The following LRIG1 variants were observed in gnomAD, a reference collection of about 807,000 sequenced individuals.
LRIG1 encodes the protein leucine-rich repeats and immunoglobulin-like domains protein 1.
LRIG1 carries 48 observed loss-of-function variants against 99.2 expected under a neutral mutation model. That is an observed-to-expected ratio of 0.48 (90% CI 0.38 to 0.62). LRIG1 has a LOEUF of 0.62. LRIG1 is among the 20% of genes least tolerant of loss of function. The pLI, the probability that LRIG1 is intolerant of heterozygous loss-of-function variation, is 0.00. For synonymous variants in LRIG1, 772 were observed against 596.1 expected (o/e 1.29, Z -4.30); for missense variants, 1,646 against 1,434.4 (o/e 1.15, Z -2.38).
intron 8 of LRIG1, chr3:66,405,646 G>T: frequency 1.1e-6 from 1 of 927,906 alleles, no homozygotes; most frequent in Non-Finnish European, 1.4e-6. Context: ...GCTCCCGTCT[G>T]CTCTCATACC....
chr3:66,406,025 C>T (rs1702256005), intron 8 of LRIG1: 1 of 988,628 alleles, frequency 1.0e-6, no homozygotes, highest in Non-Finnish European at 1.2e-6. Flanking sequence ...TCCAACTTTC[C>T]ACAAGGTTCT....
chr3:66,455,337 A>G (rs776677022), intron 2 of LRIG1, among the ~76,000 whole-genome samples: 1 of 152,266 alleles, frequency 6.6e-6, no homozygotes, highest in South Asian at 2.1e-4. Flanking sequence ...CATAGTAAAC[A>G]TAAAGCTTCT....
chr3:66,393,061 G>A (rs1451285765), intron 12 of LRIG1, among the ~76,000 whole-genome samples: 3 of 152,190 alleles, frequency 2.0e-5, no homozygotes, highest in Non-Finnish European at 4.4e-5. Context: ...AGGTAGGGGT[G>A]GATGCATGGA....
At chr3:66,431,290 C>T (rs749807949) in intron 3 of LRIG1, among the ~76,000 whole-genome samples, 2 of 152,196 alleles carry the variant, frequency 1.3e-5, no homozygotes, top group Non-Finnish European at 2.9e-5. Flanking sequence ...TGGATTCAAC[C>T]AGACTCCAGG....
Position 66,386,091 on chromosome 3 carries a change from G to A in LRIG1, c.1679C>T (p.Thr560Ile). 4 of 1,614,174 alleles carry A rather than the reference G, an allele frequency of 2.5e-6. No individual in the cohort carries two copies. Among genetic ancestry groups the A allele is most frequent in the Non-Finnish European group, 3.4e-6 (4 of 1,180,022 alleles). Reference sequence around the variant, plus strand: ...AGTGACCTGACGGAGGTGCAGGATGGTGGTGTACTCCATCACTTCCCCGTC... The same window carrying A: ...AGTGACCTGACGGAGGTGCAGGATGATGGTGTACTCCATCACTTCCCCGTC... The part of the protein sequence containing the change: ...AQDGEVMEYT[T>I]ILHLRQVTFG... The change falls in exon 13 of 19, where the codon ACC becomes ATC. Residue 560 changes from threonine (T) to isoleucine (I), a missense_variant. Physicochemically the swap from Thr to Ile is moderately conservative, Grantham distance 89. Coordinates refer to ENST00000273261, the MANE Select transcript of LRIG1 (RefSeq NM_015541.3).
In LRIG1 at chr3:66,383,948, TCACACACA is replaced by T. The variant is rs3830215; in HGVS notation, c.2071+35_2071+42del. 3.3e-4 allele frequency: 499 copies of T among 1,521,676 alleles called. 1 individual carries two copies. The African/African-American group carries it at 3.7e-3, about 11-fold the overall frequency. The allele number at this position is 1,521,676 out of a possible 1,614,324, so 94.3% of individuals were successfully genotyped here. On this transcript the variant is annotated intron_variant, in intron 14 of 18. Coordinates refer to ENST00000273261, the MANE Select transcript of LRIG1 (RefSeq NM_015541.3). ...GCATTTGAGAGTCTCTCTCTCTCGC[TCACACACA>T]CACACACACACACACAGTAGAGCAA...
intron 3 of LRIG1, among the ~76,000 whole-genome samples, chr3:66,443,316 AGGG>A: frequency 1.7e-5 from 1 of 57,714 alleles, no homozygotes; most frequent in South Asian, 7.1e-4. Flanking sequence ...TGTTGGGGGC[AGGG>A]GATGAGTGAG....
At chr3:66,479,971 C>G (rs1700811130) in intron 1 of LRIG1, among the ~76,000 whole-genome samples, 1 of 152,160 alleles carries the variant, frequency 6.6e-6, no homozygotes, top group Non-Finnish European at 1.5e-5. Flanking sequence ...GGTATATACT[C>G]AAGTGAAAAT....
intron 1 of LRIG1, 91 bp downstream of exon 1, chr3:66,500,099 C>T: frequency 9.8e-7 from 1 of 1,018,830 alleles, no homozygotes; most frequent in Non-Finnish European, 1.4e-6. Flanking sequence ...CAACCCAGTC[C>T]GCACCCCCTC....
chr3:66,383,999 G>A lies in LRIG1; in HGVS notation c.2063C>T (p.Thr688Ile), dbSNP rs76504759. Residue 688 changes from threonine to isoleucine, a missense_variant, in exon 14 of 19, where the codon ACT becomes ATT. Transcript: ENST00000273261. ...TAGAGCAATAGGCAAACCTAGGACA[G>A]TCAGGGTGGCATTAGCTGAAATAGA... ...AGSISANATLTVLETPSLVVP... is the reference protein window; with the variant it reads ...AGSISANATLIVLETPSLVVP... 1.9e-6 allele frequency: 3 copies of A among 1,612,486 alleles called. No homozygotes were observed. Among genetic ancestry groups the A allele is most frequent in the Non-Finnish European group, 2.5e-6 (3 of 1,179,320 alleles).
At chr3:66,478,365 G>A (rs941648503) in intron 1 of LRIG1, among the ~76,000 whole-genome samples, 1 of 152,216 alleles carries the variant, frequency 6.6e-6, no homozygotes, top group African/African-American at 2.4e-5. Flanking sequence ...GTGTGCGCAG[G>A]CAGGAGTTTC....
chr3:66,500,164 G>C, intron 1 of LRIG1, 26 bp downstream of exon 1: 1 of 1,501,584 alleles, frequency 6.7e-7, no homozygotes, highest in Non-Finnish European at 8.9e-7. Context: ...CCGGGGCGCA[G>C]AGAGGGCGGA....
intron 2 of LRIG1, among the ~76,000 whole-genome samples, chr3:66,452,996 C>T (rs768453372): frequency 6.6e-6 from 1 of 152,196 alleles, no homozygotes; most frequent in Non-Finnish European, 1.5e-5. Flanking sequence ...TCTTATCTGA[C>T]TGCCCCCTAA....
Position 66,391,942 on chromosome 3 carries a change from T to C in LRIG1, c.1468+2098A>G, listed in dbSNP as rs77843220. Among the ~76,000 whole-genome samples, 507 of 152,310 alleles carry C rather than the reference T, an allele frequency of 3.3e-3. 2 individuals are homozygous for C. The highest frequency in any genetic ancestry group is 0.022 in the East Asian group (113 of 5,178). On this transcript the variant is annotated intron_variant, in intron 12 of 18. Transcript: ENST00000273261. ...ACTTCAAAAAGAAATGCTGTACATT[T>C]TAGCTATTACCCCTCTCTTTCCATC...
At chr3:66,413,236 T>C (rs1575671804) in intron 5 of LRIG1, among the ~76,000 whole-genome samples, 1 of 151,926 alleles carries the variant, frequency 6.6e-6, no homozygotes, top group African/African-American at 2.4e-5. Flanking sequence ...GAGGGGTGAG[T>C]GAGGCCAGCT....
At position 66,469,465 on chromosome 3, in the gene LRIG1, C is replaced by T. The variant is rs1162134588; in HGVS notation, c.219-6956G>A. ...TTGCCTATTTTTACTCCTTAAAAAT[C>T]AGCTATAATAATCAGTGTGGGCCTC... is the stretch of plus-strand genomic sequence containing the variant. On this transcript the variant is annotated intron_variant, in intron 1 of 18. Transcript: ENST00000273261. Among the ~76,000 whole-genome samples the T allele has an allele frequency of 2.0e-5, 3 of 152,250 alleles. No individual in the cohort carries two copies. The East Asian group carries it at 5.8e-4, about 29-fold the overall frequency.
At chr3:66,407,775 A>G (rs1404675575) in intron 7 of LRIG1, among the ~76,000 whole-genome samples, 1 of 152,246 alleles carries the variant, frequency 6.6e-6, no homozygotes, top group Non-Finnish European at 1.5e-5. Context: ...ACTACACACG[A>G]GGTCATGACA....
intron 11 of LRIG1, among the ~76,000 whole-genome samples, chr3:66,397,660 C>T (rs1701906607): frequency 6.6e-6 from 1 of 152,210 alleles, no homozygotes. Flanking sequence ...CACCCCTAAG[C>T]ATCCCATCCC....
At chr3:66,417,375 C>A in intron 3 of LRIG1, 109 bp from the exon 4 acceptor site, 1 of 1,127,006 alleles carries the variant, frequency 8.9e-7, no homozygotes, top group Non-Finnish European at 1.3e-6. Context: ...AATGCAGTGA[C>A]GCTCTTAAAA....
Sources: allele counts gnomAD v4.1 joint callset (sites outside exome capture counted in the v4.1 genomes callset), GRCh38; gene constraint gnomAD v4.1.1; transcripts MANE v1.5; gene names NCBI Gene and HGNC (gene_info 2026-07-23, HGNC 2026-07-21).